The following UBN2 variants were observed in gnomAD, a reference collection of about 807,000 sequenced individuals.
UBN2 encodes the protein ubinuclein 2, also known as ubinuclein-2.
Under a neutral mutation model 120.2 loss-of-function variants are expected in UBN2, and 35 were observed. The ratio of observed to expected loss-of-function variants is 0.29; its 90% confidence interval spans 0.22 to 0.39. The LOEUF is 0.39. UBN2 is among the 10% of genes least tolerant of loss of function. The pLI is 1.00. For missense variants in UBN2, 1,693 were observed against 1,663.2 expected, an observed-to-expected ratio of 1.02 and a Z score of -0.31; for synonymous variants, 661 against 648.7, an observed-to-expected ratio of 1.02 and a Z score of -0.29.
chr7:139,311,029 A>G (rs1334853716), downstream of UBN2, among the ~76,000 whole-genome samples: 1 of 152,234 alleles, frequency 6.6e-6, no homozygotes. Flanking sequence ...TGGACAATAA[A>G]TGATCTAACT....
chr7:139,283,110 C>T lies in UBN2; in HGVS notation c.2205C>T (p.Ala735=). The T allele has an allele frequency of 6.2e-7, 1 of 1,612,986 alleles. No individual in the cohort carries two copies. The highest frequency in any genetic ancestry group is 8.5e-7 in the Non-Finnish European group (1 of 1,179,908). Reference sequence around the variant, plus strand: ...CTCCAACGAGCTCCAGCACAGCTGCCATTGCTGCAGCTAGCTCTAGCTCTG... The same window carrying T: ...CTCCAACGAGCTCCAGCACAGCTGCTATTGCTGCAGCTAGCTCTAGCTCTG... The part of the protein sequence containing the change: ...SGPPTSSSTA[A]IAAASSSSAP... Residue 735 remains alanine, a synonymous_variant, in exon 15 of 18, where the codon GCC becomes GCT. Coordinates refer to ENST00000473989, the MANE Select transcript of UBN2 (RefSeq NM_173569.4).
At chr7:139,235,198 A>G (rs1195024513) in intron 1 of UBN2, among the ~76,000 whole-genome samples, 1 of 152,168 alleles carries the variant, frequency 6.6e-6, no homozygotes, top group East Asian at 1.9e-4. Flanking sequence ...GAGTCATACC[A>G]TAGTAAGTAT....
In UBN2 at chr7:139,293,966, C is replaced by A; in HGVS notation, c.3979C>A (p.Gln1327Lys). ...LSHSPLPAHLQQAFHDGGQSK... is the reference protein window; with the variant it reads ...LSHSPLPAHLKQAFHDGGQSK... ...CCACTCACCTCTGCCTGCACACTTA[C>A]AGCAAGCATTTCACGGTGAGAACGC... is the stretch of plus-strand genomic sequence containing the variant. The change falls in exon 17 of 18, where the codon CAG becomes AAG. Residue 1327 changes from glutamine (Q) to lysine (K), a missense_variant. Gln to Lys is a moderately conservative substitution (Grantham distance 53). Coordinates refer to ENST00000473989, the MANE Select transcript of UBN2 (RefSeq NM_173569.4). The A allele has an allele frequency of 6.2e-7, 1 of 1,614,150 alleles. No individual in the cohort carries two copies. Among genetic ancestry groups the A allele is most frequent in the Non-Finnish European group, 8.5e-7 (1 of 1,179,986 alleles).
At chr7:139,266,226 C>CAAAAAAAAAAAAAAAAAAA in intron 6 of UBN2, 107 bp from the exon 7 acceptor site, 1 of 342,958 alleles carries the variant, frequency 2.9e-6, no homozygotes. Flanking sequence ...GGCCCTATCT[C>CAAAAAAAAAAAAAAAAAAA]AAAAAAAAAA....
intron 3 of UBN2, among the ~76,000 whole-genome samples, chr7:139,255,040 A>G (rs1796720944): frequency 6.6e-6 from 1 of 152,164 alleles, no homozygotes; most frequent in Non-Finnish European, 1.5e-5. Context: ...ACACGTATCT[A>G]CCATGGTAGT....
intron 5 of UBN2, 80 bp downstream of exon 5, chr7:139,259,450 A>C: frequency 1.3e-6 from 2 of 1,548,722 alleles, no homozygotes; most frequent in Non-Finnish European, 1.7e-6. Context: ...ACTTACCATT[A>C]ACTAATTCAA....
chr7:139,231,434 C>A lies in UBN2; in HGVS notation c.-51C>A. On this transcript the variant is annotated 5_prime_UTR_variant, in exon 1 of 18. Transcript: ENST00000473989. ...AAGGGCGGGCAGGCACGCAGCGCGC[C>A]GTAGAAGCGAGCGCCGGCTCGAGCA... 7.9e-7 allele frequency: 1 copy of A among 1,267,866 alleles called. No individual in the cohort carries two copies. The highest frequency in any genetic ancestry group is 1.0e-6 in the Non-Finnish European group (1 of 996,086). 78.5% of individuals were successfully genotyped at this position (1,267,866 alleles called of 1,614,324 possible).
chr7:139,259,439 T>A (rs1394191935), intron 5 of UBN2, 69 bp downstream of exon 5: 1 of 1,571,188 alleles, frequency 6.4e-7, no homozygotes, highest in East Asian at 2.3e-5. Flanking sequence ...TAGAAAGATA[T>A]ACTTACCATT....
intron 3 of UBN2, among the ~76,000 whole-genome samples, chr7:139,254,192 C>G (rs1039980149): frequency 3.9e-5 from 6 of 152,072 alleles, no homozygotes; most frequent in African/African-American, 1.2e-4. Context: ...ACTCGGGAGG[C>G]TGAGGCAGGA....
intron 15 of UBN2, among the ~76,000 whole-genome samples, chr7:139,290,486 AT>A (rs1797922185): frequency 6.6e-6 from 1 of 152,194 alleles, no homozygotes; most frequent in Admixed American, 6.5e-5. Flanking sequence ...TAATGTTATC[AT>A]TTTATAATGC....
chr7:139,276,155 A>C lies in UBN2; in HGVS notation c.2024+8A>C, dbSNP rs368721818. On this transcript the variant is annotated splice_region_variant and intron_variant, in intron 12 of 17. Coordinates refer to ENST00000473989, the MANE Select transcript of UBN2 (RefSeq NM_173569.4). ...TCATCTTACTTCTGCTCCGTGAGTA[A>C]ATGCAGACTCCAGATTGCTTCATTT... 1 of 1,613,086 alleles carries C rather than the reference A, an allele frequency of 6.2e-7. No individual in the cohort carries two copies. The highest frequency in any genetic ancestry group is 8.5e-7 in the Non-Finnish European group (1 of 1,179,478).
chr7:139,236,999 A>T lies in UBN2; in HGVS notation c.469-6A>T. 6.3e-7 allele frequency: 1 copy of T among 1,598,290 alleles called. No homozygotes were observed. The highest frequency in any genetic ancestry group is 8.5e-7 in the Non-Finnish European group (1 of 1,169,590). ...TCTCTTTCTTTTCCCATTCACCTTG[A>T]ATCAGAAGAAGCTCATTCACACAGA... On this transcript the variant is annotated splice_polypyrimidine_tract_variant and splice_region_variant and intron_variant, in intron 1 of 17. Coordinates refer to ENST00000473989, the MANE Select transcript of UBN2 (RefSeq NM_173569.4).
rs375883295 is a variant in UBN2 at position 139,282,065 on chromosome 7, A to G, written c.2118+10A>G. On this transcript the variant is annotated intron_variant, in intron 14 of 17. Coordinates refer to ENST00000473989, the MANE Select transcript of UBN2 (RefSeq NM_173569.4). ...CCCCACTATGCTTAAGGTAAGTGCT[A>G]TGGTTGTATCAATCAGTATGTAATA... 9 of 1,612,774 alleles carry G rather than the reference A, an allele frequency of 5.6e-6. No individual in the cohort carries two copies. The highest frequency in any genetic ancestry group is 7.6e-6 in the Non-Finnish European group (9 of 1,179,066).
Position 139,251,982 on chromosome 7 carries a change from G to C in UBN2, c.588G>C (p.Lys196Asn). The C allele has an allele frequency of 2.5e-6, 4 of 1,614,136 alleles. No individual in the cohort carries two copies. The highest frequency in any genetic ancestry group is 3.4e-6 in the Non-Finnish European group (4 of 1,179,992). ...KYGGKPRKHR[K>N]DRLQDLIDIG... ...GTGGGAAACCCCGTAAACACCGGAA[G>C]GATCGGCTACAAGATTTAATTGATA... Residue 196 changes from lysine to asparagine, a missense_variant, in exon 3 of 18, where the codon AAG (lysine) becomes AAC (asparagine). Physicochemically the swap from Lys to Asn is moderately conservative, Grantham distance 94 (BLOSUM62 0). This residue lies in a region of UBN2 where 663 missense variants were observed against 591.2 expected (regional missense o/e 1.12). Coordinates refer to ENST00000473989, the MANE Select transcript of UBN2 (RefSeq NM_173569.4).
At chr7:139,282,754 C>A (rs774059506) in intron 14 of UBN2, among the ~76,000 whole-genome samples, 2 of 152,078 alleles carry the variant, frequency 1.3e-5, no homozygotes, top group Non-Finnish European at 2.9e-5. Context: ...GTGGGGGAGG[C>A]TCATCAGTAA....
At chr7:139,233,757 A>C (rs1279415216) in intron 1 of UBN2, among the ~76,000 whole-genome samples, 1 of 152,164 alleles carries the variant, frequency 6.6e-6, no homozygotes, top group Non-Finnish European at 1.5e-5. Context: ...ACACGATGGC[A>C]AATTAATAAT....
chr7:139,249,563 G>A (rs1458507222), intron 2 of UBN2, among the ~76,000 whole-genome samples: 1 of 152,164 alleles, frequency 6.6e-6, no homozygotes, highest in Non-Finnish European at 1.5e-5. Context: ...TTCATTGAGA[G>A]GTATGCGGTT....
At chr7:139,244,355 T>G (rs1796404270) in intron 2 of UBN2, among the ~76,000 whole-genome samples, 3 of 152,312 alleles carry the variant, frequency 2.0e-5, no homozygotes, top group South Asian at 4.1e-4. Flanking sequence ...ACGTTTGTAC[T>G]TTCTTACACT....
intron 2 of UBN2, among the ~76,000 whole-genome samples, chr7:139,238,442 T>A (rs1284122377): frequency 6.7e-6 from 1 of 149,870 alleles, no homozygotes; most frequent in African/African-American, 2.5e-5. Context: ...CTCTCTTTTT[T>A]TCTAAGACAG....
Sources: gnomAD v4.1 joint callset for allele counts (sites outside exome capture counted in the v4.1 genomes callset) on GRCh38, gnomAD v4.1.1 for gene constraint, gnomAD v4.1.1 regional missense constraint, MANE v1.5 for transcripts, NCBI Gene and HGNC (gene_info 2026-07-23, HGNC 2026-07-21) for gene names.